PTPRO: variants seen among roughly 807,000 people sequenced by gnomAD.
The protein encoded by PTPRO is protein tyrosine phosphatase receptor type O, also known as receptor-type tyrosine-protein phosphatase O.
In PTPRO, 62 loss-of-function variants were observed where a neutral mutation model predicts 145.2. The observed-to-expected ratio is 0.43, with a 90% CI of 0.35 to 0.53. The LOEUF is 0.53. Ranked by LOEUF, PTPRO falls within the 20% of genes least tolerant of loss-of-function variation. The pLI is 0.01. For synonymous variants in PTPRO, 565 were observed against 514.7 expected (o/e 1.10, Z -1.32); for missense variants, 1,345 against 1,482.7 (o/e 0.91, Z 1.53).
intron 1 of PTPRO, among the ~76,000 whole-genome samples, chr12:15,377,118 T>G (rs1283888353): frequency 6.6e-6 from 1 of 152,104 alleles, no homozygotes; most frequent in Non-Finnish European, 1.5e-5. Context: ...TAACTTAGCG[T>G]TAATATGAAC....
chr12:15,389,850 C>T (rs1394145001), intron 1 of PTPRO, among the ~76,000 whole-genome samples: 2 of 152,180 alleles, frequency 1.3e-5, no homozygotes, highest in African/African-American at 4.8e-5. Flanking sequence ...CTTATTTGAT[C>T]CTTCACTTCA....
intron 1 of PTPRO, among the ~76,000 whole-genome samples, chr12:15,406,327 G>A (rs1939646775): frequency 6.6e-6 from 1 of 152,148 alleles, no homozygotes; most frequent in Non-Finnish European, 1.5e-5. Context: ...AATGATTTCT[G>A]TAAGCCCAGA....
chr12:15,415,436 G>C (rs1344445762), intron 1 of PTPRO, among the ~76,000 whole-genome samples: 3 of 149,590 alleles, frequency 2.0e-5, no homozygotes, highest in Middle Eastern at 3.5e-3. Flanking sequence ...CCAGGCTGGA[G>C]TGCAGTGGTG....
rs764240215 is a variant in PTPRO, at chr12:15,322,687, G to C, written c.-40G>C. On this transcript the variant is annotated 5_prime_UTR_variant, in exon 1 of 27. Coordinates refer to ENST00000281171, the MANE Select transcript of PTPRO (RefSeq NM_030667.3). This position sits in a 1 kb window ranked among gnomAD's most constrained non-coding sequence, Gnocchi z 6.3. ...TTGTGAGCCGCCGCCGGGGGAGTCC[G>C]CTAGCGCAGCCGTGCCCCCGAGTCC... 6.4e-7 allele frequency: 1 copy of C among 1,567,370 alleles called. No individual in the cohort carries two copies. The highest frequency in any genetic ancestry group is 1.4e-5 in the African/African-American group (1 of 73,936).
intron 1 of PTPRO, among the ~76,000 whole-genome samples, chr12:15,453,342 T>C (rs1941094887): frequency 6.6e-6 from 1 of 151,890 alleles, no homozygotes; most frequent in South Asian, 2.1e-4. Context: ...GAAAAGAAAA[T>C]CTGGACCATA....
intron 1 of PTPRO, among the ~76,000 whole-genome samples, chr12:15,480,768 T>C (rs1941762555): frequency 7.1e-6 from 1 of 141,528 alleles, no homozygotes; most frequent in South Asian, 2.3e-4. Flanking sequence ...GATGGATGCA[T>C]GGATGGACGG....
intron 1 of PTPRO, among the ~76,000 whole-genome samples, chr12:15,442,519 T>G (rs1461387520): frequency 6.6e-6 from 1 of 151,984 alleles, no homozygotes; most frequent in Non-Finnish European, 1.5e-5. Flanking sequence ...CAGAAAGAAA[T>G]AAAAGGCAAC....
intron 1 of PTPRO, among the ~76,000 whole-genome samples, chr12:15,406,976 A>T (rs528387209): frequency 7.0e-4 from 106 of 152,324 alleles, no homozygotes; most frequent in African/African-American, 2.2e-3. Flanking sequence ...TGAAAATAGG[A>T]GCTAAAACAA....
chr12:15,550,150 C>CCTT (rs1394260673), intron 14 of PTPRO, among the ~76,000 whole-genome samples: 2 of 152,090 alleles, frequency 1.3e-5, no homozygotes, highest in African/African-American at 2.4e-5. Context: ...CTACTGTTGA[C>CCTT]CTGAAGTCTT....
In PTPRO at chr12:15,385,846, G is replaced by C. The variant is rs1022902107; in HGVS notation, c.75+63045G>C. Reference sequence around the variant, plus strand: ...AAAAAAAAAAAAAGAAGAAGAAGAAGGACAGATGCTAGATAGATAGATAGA... The same window carrying C: ...AAAAAAAAAAAAAGAAGAAGAAGAACGACAGATGCTAGATAGATAGATAGA... On this transcript the variant is annotated intron_variant, in intron 1 of 26. Coordinates refer to ENST00000281171, the MANE Select transcript of PTPRO (RefSeq NM_030667.3). 2.7e-5 allele frequency among the ~76,000 whole-genome samples: 4 copies of C among 147,486 alleles called. No individual in the cohort carries two copies. In the South Asian group the frequency reaches 8.7e-4, roughly 32 times the overall value.
intron 1 of PTPRO, among the ~76,000 whole-genome samples, chr12:15,408,675 G>A (rs760381906): frequency 6.6e-6 from 1 of 152,086 alleles, no homozygotes; most frequent in Non-Finnish European, 1.5e-5. Context: ...TGATCTGCCC[G>A]CCTTGCCCTC....
At chr12:15,542,304 T>C (rs948530615) in intron 12 of PTPRO, among the ~76,000 whole-genome samples, 5 of 152,170 alleles carry the variant, frequency 3.3e-5, no homozygotes, top group African/African-American at 9.6e-5. Context: ...GGGCCACACA[T>C]AAAATATGCT....
chr12:15,474,416 A>T (rs1356396602), intron 1 of PTPRO, among the ~76,000 whole-genome samples: 1 of 152,014 alleles, frequency 6.6e-6, no homozygotes, highest in East Asian at 1.9e-4. Flanking sequence ...AAGTGCCCAG[A>T]CCCCTTTTGC....
intron 1 of PTPRO, among the ~76,000 whole-genome samples, chr12:15,375,340 T>C (rs968169789): frequency 3.3e-5 from 5 of 152,196 alleles, no homozygotes; most frequent in Non-Finnish European, 5.9e-5. Context: ...ACCCAGATTT[T>C]AGACTTACTA....
At chr12:15,357,613 C>T (rs975772175) in intron 1 of PTPRO, among the ~76,000 whole-genome samples, 4 of 151,616 alleles carry the variant, frequency 2.6e-5, no homozygotes, top group African/African-American at 4.8e-5. Context: ...GACATTTATG[C>T]AGCCAAAAAA....
chr12:15,520,454 A>G (rs939024320), intron 10 of PTPRO, 142 bp downstream of exon 10: 3 of 651,324 alleles, frequency 4.6e-6, no homozygotes, highest in South Asian at 3.5e-5. Context: ...ATTGATTCTG[A>G]TCATTCATTA....
At chr12:15,485,194 T>A (rs1941860239) in intron 2 of PTPRO, among the ~76,000 whole-genome samples, 1 of 152,056 alleles carries the variant, frequency 6.6e-6, no homozygotes, top group South Asian at 2.1e-4. Context: ...GAGGACATAT[T>A]TTTAACACAT....
At chr12:15,473,114 A>G (rs1941578573) in intron 1 of PTPRO, among the ~76,000 whole-genome samples, 1 of 152,208 alleles carries the variant, frequency 6.6e-6, no homozygotes, top group Non-Finnish European at 1.5e-5. Context: ...GTGGGAAAGA[A>G]GCAGTGTCCC....
At chr12:15,587,898 C>T (rs373442167) in intron 24 of PTPRO, among the ~76,000 whole-genome samples, 1 of 152,182 alleles carries the variant, frequency 6.6e-6, no homozygotes, top group Non-Finnish European at 1.5e-5. Flanking sequence ...ACTGCCTTGG[C>T]CCTTGTGAAT....
Sources: gnomAD v4.1 joint callset for allele counts (sites outside exome capture counted in the v4.1 genomes callset) on GRCh38, gnomAD v4.1.1 for gene constraint, Gnocchi (gnomAD v3.1) non-coding constraint, MANE v1.5 for transcripts, NCBI Gene and HGNC (gene_info 2026-07-23, HGNC 2026-07-21) for gene names.